AK2: variants seen among roughly 807,000 people sequenced by gnomAD.
AK2 encodes adenylate kinase 2.
Under a neutral mutation model 24.6 loss-of-function variants are expected in AK2, and 15 were observed. That is an observed-to-expected ratio of 0.61 (90% CI 0.41 to 0.94). AK2 has a LOEUF of 0.94. Among genes scored for constraint, AK2 ranks in the 40% least tolerant of loss-of-function variants. The pLI is 0.00. For synonymous variants in AK2, 102 were observed against 114.0 expected (o/e 0.90, Z 0.67); for missense variants, 257 against 304.1 (o/e 0.85, Z 1.15).
intron 1 of AK2, among the ~76,000 whole-genome samples, chr1:33,025,436 A>C (rs950676482): frequency 1.3e-5 from 2 of 152,198 alleles, no homozygotes; most frequent in African/African-American, 4.8e-5. Flanking sequence ...CCTGTCACTA[A>C]GTAGCTGTAC....
At chr1:33,029,974 C>G (rs148586977) in intron 1 of AK2, among the ~76,000 whole-genome samples, 71 of 152,318 alleles carry the variant, frequency 4.7e-4, no homozygotes, top group African/African-American at 1.7e-3. Flanking sequence ...CCGAAGCCTT[C>G]AACATCTCTG....
At chr1:33,036,645 G>T in intron 1 of AK2, 91 bp downstream of exon 1, 1 of 1,261,290 alleles carries the variant, frequency 7.9e-7, no homozygotes, top group Non-Finnish European at 1.1e-6. Context: ...TCCCCGGCCC[G>T]CTCCGGGCAG....
intron 4 of AK2, chr1:33,019,852 C>G: frequency 8.0e-7 from 1 of 1,244,014 alleles, no homozygotes; most frequent in Non-Finnish European, 1.0e-6. Flanking sequence ...AATAAGTAAA[C>G]AATGGTTAAC....
intron 2 of AK2, among the ~76,000 whole-genome samples, chr1:33,022,506 C>T (rs1289489672): frequency 2.0e-5 from 3 of 151,948 alleles, no homozygotes; most frequent in African/African-American, 4.8e-5. Context: ...CAGGCGCACA[C>T]GACCATGCCC....
chr1:33,019,675 A>G (rs1639410241), intron 4 of AK2: 1 of 1,019,940 alleles, frequency 9.8e-7, no homozygotes, highest in South Asian at 3.7e-5. Flanking sequence ...GGTATGGACT[A>G]CAAACACATG....
Position 33,012,984 on chromosome 1 carries a change from GCACA to G in AK2, c.*193_*196del, listed in dbSNP as rs368005323. The stretch of plus-strand genomic sequence containing the variant: ...TAGCAGAGTGAACACATATGTGCAT[GCACA>G]CACACACACACACAACACACATACA... On this transcript the variant is annotated 3_prime_UTR_variant, in exon 6 of 6. Transcript: ENST00000672715. 3.2e-5 allele frequency: 48 copies of G among 1,499,594 alleles called. No individual in the cohort carries two copies. The highest frequency in any genetic ancestry group is 7.3e-5 in the East Asian group (3 of 40,950). The allele number at this position is 1,499,594 out of a possible 1,614,324, so 92.9% of individuals were successfully genotyped here.
chr1:33,011,823 T>C lies in AK2; in HGVS notation c.*1358A>G. 6.6e-7 allele frequency: 1 copy of C among 1,509,160 alleles called. No individual in the cohort carries two copies. Among genetic ancestry groups the C allele is most frequent in the Non-Finnish European group, 8.8e-7 (1 of 1,131,454 alleles). 93.5% of individuals were successfully genotyped at this position (1,509,160 alleles called of 1,614,324 possible). A position where few individuals can be genotyped will look rare whatever the true frequency, so the allele number is the denominator to read the frequency against. ...AAGCTGGTAACTGTCACAGGTGGTC[T>C]TATTTCTGGGTGATCTTTTCTTGGG... On this transcript the variant is annotated 3_prime_UTR_variant, in exon 6 of 6. Coordinates refer to ENST00000672715, the MANE Select transcript of AK2 (RefSeq NM_001625.4).
intron 3 of AK2, 35 bp downstream of exon 3, chr1:33,021,558 T>G (rs375690190): frequency 6.2e-7 from 1 of 1,609,190 alleles, no homozygotes; most frequent in Non-Finnish European, 8.5e-7. Context: ...GAATTTGGTT[T>G]CATGCAGTAG....
At position 33,009,753 on chromosome 1, in the gene AK2, A is replaced by G. The variant is rs747935541; in HGVS notation, c.*3428T>C. On this transcript the variant is annotated 3_prime_UTR_variant, in exon 6 of 6. Transcript: ENST00000672715. ...TGGGCTCAAGAGAAGCCTGCATAGG[A>G]GCTGAAGGTCAAGAGGTTGCAGGCT... 54 of 454,170 alleles carry G rather than the reference A, an allele frequency of 1.2e-4. 1 individual carries two copies. Among genetic ancestry groups the G allele is most frequent in the South Asian group, 7.8e-4 (50 of 64,478 alleles). 28.1% of individuals were successfully genotyped at this position (454,170 alleles called of 1,614,324 possible). A position where few individuals can be genotyped will look rare whatever the true frequency, so the allele number is the denominator to read the frequency against.
chr1:33,009,033 A>C lies in AK2; in HGVS notation c.*4148T>G. On this transcript the variant is annotated 3_prime_UTR_variant, in exon 6 of 6. Coordinates refer to ENST00000672715, the MANE Select transcript of AK2 (RefSeq NM_001625.4). ...AAAAAGCTCAGGGAACAAACAGATC[A>C]GTGCAAATCAGTAAGGCTAACACCT... The C allele has an allele frequency of 2.2e-6, 1 of 454,164 alleles. No homozygotes were observed. The allele number at this position is 454,164 out of a possible 1,614,324, so 28.1% of individuals were successfully genotyped here.
chr1:33,027,566 G>T (rs984141242), intron 1 of AK2, among the ~76,000 whole-genome samples: 15 of 152,038 alleles, frequency 9.9e-5, no homozygotes, highest in African/African-American at 3.4e-4. Flanking sequence ...TGGCCAAGAT[G>T]GTGAAACCCC....
chr1:33,007,977 C>T (rs899548473), downstream of AK2: 6 of 453,068 alleles, frequency 1.3e-5, no homozygotes, highest in African/African-American at 4.0e-5. Context: ...ATAATGCATG[C>T]AGAACCTCTC....
At chr1:33,030,183 C>T (rs1640150862) in intron 1 of AK2, among the ~76,000 whole-genome samples, 1 of 152,246 alleles carries the variant, frequency 6.6e-6, no homozygotes, top group Non-Finnish European at 1.5e-5. Flanking sequence ...GACCTCAACA[C>T]AAGCTCCTCA....
chr1:33,019,684 T>C lies in AK2; in HGVS notation c.425+1683A>G, dbSNP rs182126292. On this transcript the variant is annotated intron_variant, in intron 4 of 5. Coordinates refer to ENST00000672715, the MANE Select transcript of AK2 (RefSeq NM_001625.4). ...CTTGAAGGTATGGACTACAAACACA[T>C]GGAAAAGATGTTCAACCTCATTAGG... 4.6e-5 allele frequency: 47 copies of C among 1,021,658 alleles called. No homozygotes were observed. In the African/African-American group the frequency reaches 7.4e-4, roughly 16 times the overall value. The allele number at this position is 1,021,658 out of a possible 1,614,324, so 63.3% of individuals were successfully genotyped here.
intron 1 of AK2, among the ~76,000 whole-genome samples, chr1:33,025,794 T>C (rs1277680731): frequency 1.3e-5 from 2 of 152,224 alleles, no homozygotes; most frequent in Non-Finnish European, 2.9e-5. Context: ...CAGAATTCAG[T>C]ATATGCAGGC....
At chr1:33,028,483 A>G (rs982553149) in intron 1 of AK2, among the ~76,000 whole-genome samples, 4 of 151,484 alleles carry the variant, frequency 2.6e-5, no homozygotes, top group African/African-American at 9.8e-5. Context: ...CCTGGGCAAC[A>G]AGAGTGAAAC....
intron 2 of AK2, among the ~76,000 whole-genome samples, chr1:33,022,267 A>C (rs1639602245): frequency 6.6e-6 from 1 of 152,018 alleles, no homozygotes; most frequent in Non-Finnish European, 1.5e-5. Context: ...CATCCTGGAC[A>C]TGAGGAAACA....
chr1:33,016,204 T>C (rs1411962950), intron 4 of AK2, among the ~76,000 whole-genome samples: 5 of 152,036 alleles, frequency 3.3e-5, no homozygotes, highest in Admixed American at 3.3e-4. Context: ...TATCCTCCTG[T>C]GTACTTTTAT....
At chr1:33,007,974 A>C (rs552266070), downstream of AK2, 28 of 453,318 alleles carry the variant, frequency 6.2e-5, no homozygotes, top group South Asian at 2.5e-4. Flanking sequence ...GAGATAATGC[A>C]TGCAGAACCT....
Sources: gnomAD v4.1 joint callset for allele counts (sites outside exome capture counted in the v4.1 genomes callset) on GRCh38, gnomAD v4.1.1 for gene constraint, MANE v1.5 for transcripts, NCBI Gene and HGNC (gene_info 2026-07-23, HGNC 2026-07-21) for gene names.